Variants in NOL10 observed in about 807,000 individuals in gnomAD.
The protein encoded by NOL10 is H_NH0074G24.1.
NOL10 carries 58 observed loss-of-function variants against 103.5 expected under a neutral mutation model. The ratio of observed to expected loss-of-function variants is 0.56; its 90% CI spans 0.45 to 0.70. The LOEUF (loss-of-function observed/expected upper bound fraction) is 0.70. Among genes scored for constraint, NOL10 ranks in the 30% least tolerant of loss-of-function variants. The probability of loss-of-function intolerance (pLI) is 0.00; values close to 1 mark genes in which losing one functional copy is unlikely to be tolerated. For missense variants in NOL10, 763 were observed against 807.3 expected (o/e 0.95, Z 0.67); for synonymous variants, 287 against 282.5 (o/e 1.02, Z -0.16).
chr2:10,640,214 T>C (rs1678605668), intron 13 of NOL10, among the ~76,000 whole-genome samples: 1 of 152,230 alleles, frequency 6.6e-6, no homozygotes, highest in Admixed American at 6.5e-5. Context: ...CAAATGAACC[T>C]TCCTGCCAAA....
Position 10,657,858 on chromosome 2 carries a change from A to T in NOL10, c.790T>A (p.Leu264Met). The T allele has an allele frequency of 1.3e-6, 2 of 1,546,846 alleles. No homozygotes were observed. Among genetic ancestry groups the T allele is most frequent in the Non-Finnish European group, 1.7e-6 (2 of 1,145,286 alleles). Residue 264 changes from leucine to methionine, a missense_variant, in exon 11 of 21, where the codon TTG becomes ATG. Physicochemically the swap from Leu to Met is conservative, Grantham distance 15. Coordinates refer to ENST00000381685, the MANE Select transcript of NOL10 (RefSeq NM_024894.4). ...LLYDLRSDKP[L>M]LVKDHQYGLP... ...CCATACTGGTGATCTTTAACTAGCA[A>T]TGGCTTATCAGATCGAAGGTCATAT...
chr2:10,619,563 A>C (rs1440009548), intron 13 of NOL10, among the ~76,000 whole-genome samples: 1 of 152,206 alleles, frequency 6.6e-6, no homozygotes, highest in Non-Finnish European at 1.5e-5. Flanking sequence ...CTAACTTATT[A>C]TTCTAATTTG....
At chr2:10,676,532 G>A (rs1050037400) in intron 3 of NOL10, among the ~76,000 whole-genome samples, 2 of 152,098 alleles carry the variant, frequency 1.3e-5, no homozygotes, top group South Asian at 2.1e-4. Flanking sequence ...CTGCCAAAAC[G>A]TACTATAAAG....
intron 1 of NOL10, among the ~76,000 whole-genome samples, chr2:10,686,440 C>T (rs1682210619): frequency 6.6e-6 from 1 of 152,056 alleles, no homozygotes; most frequent in African/African-American, 2.4e-5. Flanking sequence ...GGCAGGAAGG[C>T]ACAACATCAA....
intron 12 of NOL10, among the ~76,000 whole-genome samples, chr2:10,650,658 C>T (rs1679399577): frequency 6.6e-6 from 1 of 152,086 alleles, no homozygotes; most frequent in South Asian, 2.1e-4. Flanking sequence ...ACTCAGGAGG[C>T]CTAGGCAGGA....
chr2:10,651,150 T>C (rs1679426742), intron 12 of NOL10, among the ~76,000 whole-genome samples: 1 of 152,206 alleles, frequency 6.6e-6, no homozygotes, highest in South Asian at 2.1e-4. Flanking sequence ...CTGGAGAAGC[T>C]GTTTAGGCAC....
intron 13 of NOL10, among the ~76,000 whole-genome samples, chr2:10,638,320 G>GACGTA (rs1488440270): frequency 7.9e-6 from 1 of 126,968 alleles, no homozygotes; most frequent in Non-Finnish European, 1.5e-5. Context: ...GACGTGACGT[G>GACGTA]ACGTGACGTG....
chr2:10,633,985 C>T (rs1224629506), intron 13 of NOL10, among the ~76,000 whole-genome samples: 2 of 151,984 alleles, frequency 1.3e-5, no homozygotes, highest in African/African-American at 2.4e-5. Context: ...TGTCACCACA[C>T]CTGGTTAATT....
chr2:10,589,848 A>G, intron 17 of NOL10, 97 bp from the exon 18 acceptor site: 1 of 728,918 alleles, frequency 1.4e-6, no homozygotes, highest in Non-Finnish European at 2.1e-6. Flanking sequence ...TTATAAGTTA[A>G]TAAGCGGCAT....
At position 10,623,775 on chromosome 2, in the gene NOL10, G is replaced by C. The variant is rs567590566; in HGVS notation, c.1027-16464C>G. 2.6e-4 allele frequency among the ~76,000 whole-genome samples: 39 copies of C among 152,184 alleles called. 1 individual carries two copies. The South Asian group carries it at 8.1e-3, about 32-fold the overall frequency. On this transcript the variant is annotated intron_variant, in intron 13 of 20. Transcript: ENST00000381685. ...TTAAGCCCAAAAAGACAAAAATCAT[G>C]GTGTGTCATTTTCATGACTGACCAA...
chr2:10,633,787 ATATG>A (rs991286372), intron 13 of NOL10, among the ~76,000 whole-genome samples: 12 of 136,834 alleles, frequency 8.8e-5, no homozygotes, highest in Non-Finnish European at 1.4e-4. Flanking sequence ...TGTTTTGTTT[ATATG>A]TATGTGTGTG....
At position 10,689,797 on chromosome 2, in the gene NOL10, T is replaced by C. The variant is rs1342050777; in HGVS notation, c.65A>G (p.Glu22Gly). ...TGAGGGGGCCGGGAAGTGACTCACC[T>C]CAGGAAGGGACTTGCCGCAGCTGAG... ...YSLSCGKSLP[E>G]WLSDRKKRAL... The change falls in exon 1 of 21, where the codon GAG becomes GGG. Residue 22 changes from glutamate (E) to glycine (G), a missense_variant and splice_region_variant. Transcript: ENST00000381685. The C allele has an allele frequency of 3.7e-6, 6 of 1,602,584 alleles. No individual in the cohort carries two copies. Among genetic ancestry groups the C allele is most frequent in the African/African-American group, 1.3e-5 (1 of 74,538 alleles).
At chr2:10,611,499 A>T (rs1283810223) in intron 13 of NOL10, among the ~76,000 whole-genome samples, 2 of 152,256 alleles carry the variant, frequency 1.3e-5, no homozygotes, top group Non-Finnish European at 2.9e-5. Context: ...TAAAAATCTT[A>T]GGGGCCAGGT....
rs117399421 is a variant in NOL10 at position 10,581,722 on chromosome 2, G to A, written c.1845-3984C>T. ...TGTAGTCGCAGCTACTCAGGAGGGTGAGGTGGGAGGATCATTTGAGCCCAG... is the reference window on the plus strand; with the variant it reads ...TGTAGTCGCAGCTACTCAGGAGGGTAAGGTGGGAGGATCATTTGAGCCCAG... On this transcript the variant is annotated intron_variant, in intron 19 of 20. Transcript: ENST00000381685. 1.8e-3 allele frequency among the ~76,000 whole-genome samples: 279 copies of A among 152,276 alleles called. 2 individuals carry two copies. In the East Asian group the frequency reaches 0.023, roughly 13 times the overall value.
intron 19 of NOL10, among the ~76,000 whole-genome samples, chr2:10,581,787 C>G (rs942382412): frequency 6.6e-6 from 1 of 152,184 alleles, no homozygotes. Flanking sequence ...CGCCTCTGCA[C>G]TCCAGCCTGG....
chr2:10,687,353 GACC>G lies in NOL10; in HGVS notation c.66+2440_66+2442del, dbSNP rs202159812. Among the ~76,000 whole-genome samples, 407 of 152,226 alleles carry G rather than the reference GACC, an allele frequency of 2.7e-3. 11 individuals are homozygous for G. The highest frequency in any genetic ancestry group is 0.022 in the Admixed American group (339 of 15,280). ...GCTCTCAGTAGCAGCTGACACAGGT[GACC>G]ACCACCTCCTCCTTGAAACACTTAC... On this transcript the variant is annotated intron_variant, in intron 1 of 20. Coordinates refer to ENST00000381685, the MANE Select transcript of NOL10 (RefSeq NM_024894.4).
At chr2:10,652,607 G>C (rs114858438) in intron 12 of NOL10, among the ~76,000 whole-genome samples, 1 of 152,128 alleles carries the variant, frequency 6.6e-6, no homozygotes, top group South Asian at 2.1e-4. Context: ...TTCAAAAACC[G>C]TGGGGCCTGG....
chr2:10,600,367 C>G (rs994866667), intron 17 of NOL10, among the ~76,000 whole-genome samples: 8 of 152,082 alleles, frequency 5.3e-5, no homozygotes, highest in African/African-American at 1.9e-4. Flanking sequence ...AACACCAAGT[C>G]CAAATAAAAA....
chr2:10,634,108 G>T (rs899518531), intron 13 of NOL10, among the ~76,000 whole-genome samples: 1 of 152,154 alleles, frequency 6.6e-6, no homozygotes, highest in Non-Finnish European at 1.5e-5. Flanking sequence ...TATTACAGGT[G>T]TGACCAACCG....
Sources: gnomAD v4.1 joint callset for allele counts (sites outside exome capture counted in the v4.1 genomes callset) on GRCh38, gnomAD v4.1.1 for gene constraint, MANE v1.5 for transcripts, NCBI Gene and HGNC (gene_info 2026-07-23, HGNC 2026-07-21) for gene names.